Variants in NBEA observed in about 807,000 individuals in gnomAD.
The protein encoded by NBEA is lysosomal-trafficking regulator 2.
A neutral mutation model predicts 343.4 loss-of-function variants in NBEA; 44 were observed. The ratio of observed to expected loss-of-function variants is 0.13; its 90% CI spans 0.10 to 0.16. The LOEUF is 0.16. Ranked by LOEUF, NBEA falls within the 10% of genes least tolerant of loss-of-function variation. NBEA has a pLI of 1.00. For synonymous variants in NBEA, 1,175 were observed against 1,238.7 expected, an observed-to-expected ratio of 0.95 and a Z score of 1.08; for missense variants, 2,555 against 3,631.3, an observed-to-expected ratio of 0.70 and a Z score of 7.62.
chr13:35,156,047 G>T (rs752709846), intron 19 of NBEA, 36 bp from the exon 20 acceptor site: 25 of 1,555,150 alleles, frequency 1.6e-5, no homozygotes, highest in Non-Finnish European at 2.1e-5. Context: ...ATAGGATATG[G>T]TTACAAATCT....
intron 31 of NBEA, among the ~76,000 whole-genome samples, chr13:35,205,394 G>C (rs1373891925): frequency 6.6e-6 from 1 of 151,974 alleles, no homozygotes; most frequent in Non-Finnish European, 1.5e-5. Context: ...TCTTCTTGTT[G>C]GTCCTAATTT....
At chr13:34,953,916 A>G (rs902676381) in intron 1 of NBEA, among the ~76,000 whole-genome samples, 1 of 152,182 alleles carries the variant, frequency 6.6e-6, no homozygotes, top group Non-Finnish European at 1.5e-5. Flanking sequence ...CCTATCATGA[A>G]CTGCGCAAGC....
At chr13:35,390,348 A>G (rs2042442215) in intron 38 of NBEA, among the ~76,000 whole-genome samples, 1 of 152,108 alleles carries the variant, frequency 6.6e-6, no homozygotes, top group African/African-American at 2.4e-5. Flanking sequence ...TTCTTTGGAG[A>G]CTTTAATCCA....
chr13:35,527,535 A>C (rs1455353198), intron 41 of NBEA, among the ~76,000 whole-genome samples: 1 of 152,310 alleles, frequency 6.6e-6, no homozygotes, highest in South Asian at 2.1e-4. Flanking sequence ...CTGGGTGCCC[A>C]AAGTCCAGAC....
chr13:35,665,311 T>C, intron 56 of NBEA, 125 bp downstream of exon 56: 1 of 680,688 alleles, frequency 1.5e-6, no homozygotes, highest in Non-Finnish European at 2.5e-6. Flanking sequence ...AAGTTATTTG[T>C]AGATGTTTAG....
At chr13:35,669,420 T>A (rs1400813785) in intron 58 of NBEA, among the ~76,000 whole-genome samples, 1 of 152,140 alleles carries the variant, frequency 6.6e-6, no homozygotes, top group Non-Finnish European at 1.5e-5. Flanking sequence ...TAAGACATAA[T>A]AAAGTTAACA....
At chr13:35,010,800 C>G (rs1237276234) in intron 1 of NBEA, among the ~76,000 whole-genome samples, 1 of 138,578 alleles carries the variant, frequency 7.2e-6, no homozygotes, top group African/African-American at 2.8e-5. Flanking sequence ...TGGTGGTGCA[C>G]ACCTGTAGTC....
intron 34 of NBEA, among the ~76,000 whole-genome samples, chr13:35,259,701 A>G (rs2033033661): frequency 6.6e-6 from 1 of 152,186 alleles, no homozygotes; most frequent in African/African-American, 2.4e-5. Context: ...ACCTATTGGC[A>G]TATGAACAGA....
chr13:35,061,131 A>C (rs1209105744), intron 8 of NBEA, among the ~76,000 whole-genome samples: 1 of 151,666 alleles, frequency 6.6e-6, no homozygotes, highest in East Asian at 1.9e-4. Context: ...TGTATATTCA[A>C]TGGAGCCTAT....
At chr13:34,945,399 T>C (rs2059156608) in intron 1 of NBEA, among the ~76,000 whole-genome samples, 1 of 152,128 alleles carries the variant, frequency 6.6e-6, no homozygotes, top group Admixed American at 6.5e-5. Flanking sequence ...GAAAATGTCA[T>C]ATGAAAATTT....
chr13:35,113,611 A>ATCTG (rs1391450664), intron 13 of NBEA, among the ~76,000 whole-genome samples: 9 of 151,232 alleles, frequency 6.0e-5, no homozygotes, highest in Non-Finnish European at 1.3e-4. Context: ...CTATCTATCT[A>ATCTG]TCTATCTATC....
chr13:35,311,255 T>G (rs1034515014), intron 36 of NBEA, among the ~76,000 whole-genome samples: 3 of 151,956 alleles, frequency 2.0e-5, no homozygotes, highest in African/African-American at 7.2e-5. Flanking sequence ...CATTGTCATT[T>G]AAGTTTTAGA....
At chr13:35,551,440 A>T (rs975284) in intron 43 of NBEA, among the ~76,000 whole-genome samples, 2 of 151,988 alleles carry the variant, frequency 1.3e-5, no homozygotes, top group African/African-American at 2.4e-5. Flanking sequence ...TAAAACCCTG[A>T]GAGTTTATTA....
At chr13:35,183,688 T>A (rs2071476215) in intron 29 of NBEA, among the ~76,000 whole-genome samples, 1 of 152,094 alleles carries the variant, frequency 6.6e-6, no homozygotes, top group African/African-American at 2.4e-5. Context: ...TCATTTTTAA[T>A]GCTTTTATAT....
chr13:35,002,412 G>C (rs954450898), intron 1 of NBEA, among the ~76,000 whole-genome samples: 1 of 152,170 alleles, frequency 6.6e-6, no homozygotes, highest in African/African-American at 2.4e-5. Context: ...CAGGAAAGAT[G>C]CATCTTAGAA....
intron 23 of NBEA, among the ~76,000 whole-genome samples, chr13:35,163,040 C>A (rs927061606): frequency 6.6e-6 from 1 of 151,944 alleles, no homozygotes; most frequent in Non-Finnish European, 1.5e-5. Flanking sequence ...ACATGAAGAC[C>A]AATGTATGGA....
chr13:35,186,747 G>A (rs908679594), intron 30 of NBEA: 3 of 152,186 alleles, frequency 2.0e-5, no homozygotes, highest in Admixed American at 1.3e-4. Context: ...TGGGACGTGA[G>A]GATCACTCTT....
In NBEA at chr13:35,081,536, T is replaced by C. The variant is rs962139774; in HGVS notation, c.1571+10684T>C. 2.0e-5 allele frequency among the ~76,000 whole-genome samples: 3 copies of C among 152,098 alleles called. No homozygotes were observed. In the East Asian group the frequency reaches 5.8e-4, roughly 29 times the overall value. On this transcript the variant is annotated intron_variant, in intron 10 of 58. Transcript: ENST00000379939. ...CTTTCAAGATGGGCAAGCTTTTTTTTTTTAAGTGCTTATCTCCATTTTGCA... is the reference window on the plus strand; with the variant it reads ...CTTTCAAGATGGGCAAGCTTTTTTTCTTTAAGTGCTTATCTCCATTTTGCA...
At chr13:35,445,787 T>C (rs1221398833) in intron 39 of NBEA, among the ~76,000 whole-genome samples, 4 of 41,708 alleles carry the variant, frequency 9.6e-5, no homozygotes, top group Admixed American at 5.0e-4. Flanking sequence ...AATGTTTATA[T>C]ATATATATAT....
Sources: allele counts gnomAD v4.1 joint callset (sites outside exome capture counted in the v4.1 genomes callset), GRCh38; gene constraint gnomAD v4.1.1; transcripts MANE v1.5; gene names NCBI Gene and HGNC (gene_info 2026-07-23, HGNC 2026-07-21).